GABRG3: variants seen among roughly 807,000 people sequenced by gnomAD.
GABRG3 encodes the protein gamma-aminobutyric acid type A receptor subunit gamma3, also known as gamma-aminobutyric acid receptor subunit gamma-3.
In GABRG3, 25 loss-of-function variants were observed where a neutral mutation model predicts 48.8. That is an observed-to-expected ratio of 0.51 (90% confidence interval 0.37 to 0.72). The LOEUF is 0.72. Among genes scored for constraint, GABRG3 ranks in the 30% least tolerant of loss-of-function variants. GABRG3 has a pLI of 0.00. For missense variants in GABRG3, 394 were observed against 577.9 expected (o/e 0.68, Z 3.26); for synonymous variants, 227 against 217.6 (o/e 1.04, Z -0.38).
intron 5 of GABRG3, among the ~76,000 whole-genome samples, chr15:27,379,903 CG>C (rs970781068): frequency 6.6e-6 from 1 of 151,844 alleles, no homozygotes; most frequent in Non-Finnish European, 1.5e-5. Context: ...GCTGAGTTCC[CG>C]AATCCGTGAT....
intron 3 of GABRG3, among the ~76,000 whole-genome samples, chr15:27,322,844 G>A (rs546305798): frequency 6.6e-6 from 1 of 152,284 alleles, no homozygotes; most frequent in Admixed American, 6.5e-5. Flanking sequence ...TTGGTACTTA[G>A]TAGCTGTGTG....
intron 3 of GABRG3, among the ~76,000 whole-genome samples, chr15:27,305,615 A>G (rs1164254766): frequency 7.0e-6 from 1 of 142,466 alleles, no homozygotes; most frequent in African/African-American, 2.5e-5. Flanking sequence ...GTTTATATAT[A>G]AACATATATA....
intron 3 of GABRG3, among the ~76,000 whole-genome samples, chr15:27,259,910 A>AC (rs1265012409): frequency 6.6e-6 from 1 of 152,158 alleles, no homozygotes; most frequent in Non-Finnish European, 1.5e-5. Flanking sequence ...AAATTTTGCG[A>AC]CCCCAGGGAT....
intron 3 of GABRG3, among the ~76,000 whole-genome samples, chr15:27,089,622 G>C (rs1181063611): frequency 6.6e-6 from 1 of 152,226 alleles, no homozygotes; most frequent in East Asian, 1.9e-4. Context: ...AGGCGGGGGA[G>C]AGAGGCTCTT....
intron 3 of GABRG3, among the ~76,000 whole-genome samples, chr15:27,087,558 G>T (rs1489644969): frequency 6.6e-6 from 1 of 152,196 alleles, no homozygotes; most frequent in Non-Finnish European, 1.5e-5. Flanking sequence ...AGTAAAGCAG[G>T]AAAAGGAAGT....
rs552893702 is a variant in GABRG3, at chr15:27,380,142, T to A, written c.574+51254T>A. Among the ~76,000 whole-genome samples the A allele has an allele frequency of 3.9e-5, 6 of 152,310 alleles. No homozygotes were observed. In the East Asian group the frequency reaches 1.2e-3, roughly 29 times the overall value. On this transcript the variant is annotated intron_variant, in intron 5 of 9. Transcript: ENST00000615808. ...ATTGACATTTCTTCAAGCTTACCGTTTTCTCAGCCATGTCCAATCTATTAA... is the reference window on the plus strand; with the variant it reads ...ATTGACATTTCTTCAAGCTTACCGTATTCTCAGCCATGTCCAATCTATTAA...
At chr15:27,202,815 T>TA (rs1165989038) in intron 3 of GABRG3, among the ~76,000 whole-genome samples, 7 of 152,166 alleles carry the variant, frequency 4.6e-5, no homozygotes, top group Admixed American at 3.3e-4. Context: ...CTTTATCTGT[T>TA]ATGTATTTTT....
Position 27,038,988 on chromosome 15 carries a change from C to T in GABRG3, c.270+12167C>T, listed in dbSNP as rs576775056. ...CCAGCAGAAATCAAATCAGTGATGG[C>T]ACATTTTATTCAGGACTATTGCAAA... is the stretch of plus-strand genomic sequence containing the variant. On this transcript the variant is annotated intron_variant, in intron 3 of 9. Transcript: ENST00000615808. Among the ~76,000 whole-genome samples, 16 of 152,282 alleles carry T rather than the reference C, an allele frequency of 1.1e-4. No individual in the cohort carries two copies. The South Asian group carries it at 3.3e-3, about 32-fold the overall frequency.
chr15:27,157,346 A>G (rs1431703052), intron 3 of GABRG3, among the ~76,000 whole-genome samples: 1 of 152,240 alleles, frequency 6.6e-6, no homozygotes, highest in Non-Finnish European at 1.5e-5. Flanking sequence ...TATGAAATGT[A>G]AGTTTTTCAG....
At chr15:27,527,040 T>A (rs1445800175) in intron 7 of GABRG3, among the ~76,000 whole-genome samples, 1 of 151,388 alleles carries the variant, frequency 6.6e-6, no homozygotes. Context: ...ATAGTGAGGG[T>A]TTTCAAACTG....
At chr15:27,246,037 C>G (rs1890259795) in intron 3 of GABRG3, among the ~76,000 whole-genome samples, 1 of 152,130 alleles carries the variant, frequency 6.6e-6, no homozygotes, top group African/African-American at 2.4e-5. Context: ...ACGCCATGCT[C>G]TTTTAAACAG....
At chr15:27,379,002 G>A (rs1895685164) in intron 5 of GABRG3, among the ~76,000 whole-genome samples, 1 of 152,108 alleles carries the variant, frequency 6.6e-6, no homozygotes, top group African/African-American at 2.4e-5. Context: ...GTATGAATGT[G>A]TATGTATGTG....
Position 26,974,928 on chromosome 15 carries a change from C to A in GABRG3, c.54-2074C>A, listed in dbSNP as rs1035693016. Among the ~76,000 whole-genome samples the A allele has an allele frequency of 2.7e-5, 4 of 150,402 alleles. No homozygotes were observed. Among genetic ancestry groups the A allele is most frequent in the African/African-American group, 9.8e-5 (4 of 40,994 alleles). On this transcript the variant is annotated intron_variant, in intron 1 of 9. Transcript: ENST00000615808. The surrounding 1 kb of genome is among the most constrained non-coding windows in gnomAD (Gnocchi z 4.3). ...TCGCTCTGTTGCCCAGGCTGGAGTG[C>A]AGTGACACTATCTCGGCTCACTGCA... is the stretch of plus-strand genomic sequence containing the variant.
intron 2 of GABRG3, among the ~76,000 whole-genome samples, chr15:27,019,028 C>G (rs993916867): frequency 9.0e-5 from 13 of 144,298 alleles, no homozygotes; most frequent in African/African-American, 3.3e-4. Context: ...CAGTACTAAT[C>G]CCATTGAAGT....
At chr15:27,286,942 G>A (rs17563554) in intron 3 of GABRG3, among the ~76,000 whole-genome samples, 72,624 of 152,072 alleles carry the variant, frequency 0.48, 20,965 homozygotes, top group Non-Finnish European at 0.66. Flanking sequence ...TGTAATAGGC[G>A]ACTGAAGTGA....
At position 27,326,973 on chromosome 15, in the gene GABRG3, C is replaced by T. The variant is rs778413275; in HGVS notation, c.435C>T (p.Thr145=). 1 of 1,614,016 alleles carries T rather than the reference C, an allele frequency of 6.2e-7. No individual in the cohort carries two copies. The highest frequency in any genetic ancestry group is 1.1e-5 in the South Asian group (1 of 91,078). The stretch of plus-strand genomic sequence containing the variant: ...AAACCGCAGAGGCTCACTGGATCAC[C>T]ACACCCAATCAGCTCCTCCGGATTT... ...NSKTAEAHWI[T]TPNQLLRIWN... The change falls in exon 4 of 10, where the codon ACC becomes ACT. Residue 145 remains threonine, a synonymous_variant. Transcript: ENST00000615808.
At chr15:27,015,383 A>ATTTT (rs36045792) in intron 2 of GABRG3, among the ~76,000 whole-genome samples, 3 of 110,306 alleles carry the variant, frequency 2.7e-5, no homozygotes, top group African/African-American at 3.7e-5. Flanking sequence ...TTTGTGTTTG[A>ATTTT]TTTTTTTTTT....
At chr15:27,049,511 G>A (rs1238152911) in intron 3 of GABRG3, among the ~76,000 whole-genome samples, 2 of 152,086 alleles carry the variant, frequency 1.3e-5, no homozygotes, top group Non-Finnish European at 2.9e-5. Context: ...GCTGAGGACC[G>A]ACCATAGAAA....
At chr15:27,151,518 A>G (rs1898315390) in intron 3 of GABRG3, among the ~76,000 whole-genome samples, 1 of 152,162 alleles carries the variant, frequency 6.6e-6, no homozygotes, top group Non-Finnish European at 1.5e-5. Context: ...GAACCTGTGA[A>G]TGTCTTGTGT....
Sources: gnomAD v4.1 joint callset for allele counts (sites outside exome capture counted in the v4.1 genomes callset) on GRCh38, gnomAD v4.1.1 for gene constraint, Gnocchi (gnomAD v3.1) non-coding constraint, MANE v1.5 for transcripts, NCBI Gene and HGNC (gene_info 2026-07-23, HGNC 2026-07-21) for gene names.